RAP2A: variants seen among roughly 807,000 people sequenced by gnomAD.
The protein encoded by RAP2A is ras-related protein Rap-2a.
RAP2A carries 5 observed loss-of-function variants against 15.1 expected under a neutral mutation model. That is an observed-to-expected ratio of 0.33 (90% CI 0.17 to 0.70). The LOEUF is 0.70. Among genes scored for constraint, RAP2A ranks in the 30% least tolerant of loss-of-function variants. RAP2A has a pLI of 0.68. For missense variants in RAP2A, 111 were observed against 240.3 expected (o/e 0.46, Z 3.56); for synonymous variants, 110 against 99.7 (o/e 1.10, Z -0.62).
chr13:97,460,751 T>C (rs1337050203), intron 1 of RAP2A, among the ~76,000 whole-genome samples: 2 of 152,156 alleles, frequency 1.3e-5, no homozygotes, highest in Non-Finnish European at 2.9e-5. Flanking sequence ...CAGTATATTC[T>C]CTCGAGTGCC....
chr13:97,455,104 T>C (rs558237991), intron 1 of RAP2A, among the ~76,000 whole-genome samples: 16 of 151,602 alleles, frequency 1.1e-4, no homozygotes, highest in South Asian at 6.3e-4. Flanking sequence ...TGCTCATTTA[T>C]TTTTTCAATC....
intron 1 of RAP2A, among the ~76,000 whole-genome samples, chr13:97,443,209 TAGTA>T (rs1405845509): frequency 1.3e-5 from 2 of 152,188 alleles, no homozygotes; most frequent in South Asian, 4.1e-4. Flanking sequence ...TAAAATCACT[TAGTA>T]AAGTTACCCA....
chr13:97,434,410 A>C lies in RAP2A; in HGVS notation c.-61A>C, dbSNP rs1383244097. 1 of 1,213,830 alleles carries C rather than the reference A, an allele frequency of 8.2e-7. No homozygotes were observed. The highest frequency in any genetic ancestry group is 3.5e-5 in the East Asian group (1 of 28,672). The allele number at this position is 1,213,830 out of a possible 1,614,324, so 75.2% of individuals were successfully genotyped here. A position where few individuals can be genotyped will look rare whatever the true frequency, so the allele number is the denominator to read the frequency against. ...CCGCCGGGGCCGGGGCTGGGGGCGCAGCGCGGCCGGCGTAGGTCTATGTCG... is the reference window on the plus strand; with the variant it reads ...CCGCCGGGGCCGGGGCTGGGGGCGCCGCGCGGCCGGCGTAGGTCTATGTCG... On this transcript the variant is annotated 5_prime_UTR_variant, in exon 1 of 2. Coordinates refer to ENST00000245304, the MANE Select transcript of RAP2A (RefSeq NM_021033.7).
At chr13:97,448,243 A>G (rs2066687708) in intron 1 of RAP2A, among the ~76,000 whole-genome samples, 1 of 152,218 alleles carries the variant, frequency 6.6e-6, no homozygotes, top group Admixed American at 6.5e-5. Context: ...TGGAAGCCAG[A>G]GATAGGAGAT....
intron 1 of RAP2A, among the ~76,000 whole-genome samples, chr13:97,436,406 A>G (rs1046087907): frequency 2.0e-5 from 3 of 152,182 alleles, no homozygotes; most frequent in African/African-American, 7.2e-5. Flanking sequence ...CCACATGTCA[A>G]TGTTAGGCCA....
intron 1 of RAP2A, among the ~76,000 whole-genome samples, chr13:97,449,087 T>C (rs1189368298): frequency 5.3e-5 from 8 of 152,100 alleles, no homozygotes; most frequent in Non-Finnish European, 1.2e-4. Flanking sequence ...AGTGACCGCA[T>C]TCCACACAGG....
intron 1 of RAP2A, among the ~76,000 whole-genome samples, chr13:97,449,606 A>G (rs1030015205): frequency 6.6e-6 from 1 of 152,094 alleles, no homozygotes; most frequent in Non-Finnish European, 1.5e-5. Flanking sequence ...CTTTCATTTC[A>G]GTGTTGGCTT....
At chr13:97,449,219 A>G (rs1288737418) in intron 1 of RAP2A, among the ~76,000 whole-genome samples, 3 of 152,156 alleles carry the variant, frequency 2.0e-5, no homozygotes, top group African/African-American at 7.2e-5. Flanking sequence ...GATCTGCTAC[A>G]TATTTTTATG....
At chr13:97,459,006 T>C (rs1025279640) in intron 1 of RAP2A, among the ~76,000 whole-genome samples, 1 of 152,160 alleles carries the variant, frequency 6.6e-6, no homozygotes, top group African/African-American at 2.4e-5. Flanking sequence ...ATGGAAATTC[T>C]TGTCAATAAA....
chr13:97,441,459 CTG>C (rs2066657260), intron 1 of RAP2A, among the ~76,000 whole-genome samples: 1 of 152,066 alleles, frequency 6.6e-6, no homozygotes, highest in African/African-American at 2.4e-5. Context: ...GATTTAATTT[CTG>C]TGTGTGAAGT....
chr13:97,438,340 C>G (rs1296927774), intron 1 of RAP2A, among the ~76,000 whole-genome samples: 1 of 152,080 alleles, frequency 6.6e-6, no homozygotes, highest in Non-Finnish European at 1.5e-5. Context: ...TGCACCCATC[C>G]TTTTATTCTA....
chr13:97,434,352 G>A lies in RAP2A; in HGVS notation c.-119G>A. The A allele has an allele frequency of 4.8e-6, 4 of 834,482 alleles. No individual in the cohort carries two copies. Among genetic ancestry groups the A allele is most frequent in the Non-Finnish European group, 5.8e-6 (4 of 695,044 alleles). 51.7% of individuals were successfully genotyped at this position (834,482 alleles called of 1,614,324 possible). On this transcript the variant is annotated 5_prime_UTR_variant, in exon 1 of 2. Transcript: ENST00000245304. ...GCCCAGGGGGCCGCCGCGGCTGTGA[G>A]GTGGGGGCGGCAGCGGGAGGCGGCG...
In RAP2A at chr13:97,465,267, T is replaced by C. The variant is rs2066765811; in HGVS notation, c.*825T>C. The C allele has an allele frequency of 6.6e-6, 1 of 152,630 alleles. No homozygotes were observed. Among genetic ancestry groups the C allele is most frequent in the South Asian group, 2.1e-4 (1 of 4,836 alleles). 9.5% of individuals were successfully genotyped at this position (152,630 alleles called of 1,614,324 possible). On this transcript the variant is annotated 3_prime_UTR_variant, in exon 2 of 2. Coordinates refer to ENST00000245304, the MANE Select transcript of RAP2A (RefSeq NM_021033.7). ...GCAACTGTGATGGGAAGAGATTACC[T>C]AGCCTTACTAACAAGAAGCATTCTA...
At chr13:97,450,975 A>G (rs748388676) in intron 1 of RAP2A, among the ~76,000 whole-genome samples, 12 of 152,178 alleles carry the variant, frequency 7.9e-5, no homozygotes, top group Non-Finnish European at 1.2e-4. Flanking sequence ...TTCCAATAAC[A>G]TGTTGTACTT....
intron 1 of RAP2A, among the ~76,000 whole-genome samples, chr13:97,449,539 C>G (rs1017923193): frequency 1.3e-5 from 2 of 152,138 alleles, no homozygotes; most frequent in Non-Finnish European, 2.9e-5. Flanking sequence ...CACTCTGTTG[C>G]TTACCATCCA....
At chr13:97,452,127 A>C (rs1305488314) in intron 1 of RAP2A, among the ~76,000 whole-genome samples, 1 of 150,994 alleles carries the variant, frequency 6.6e-6, no homozygotes, top group African/African-American at 2.4e-5. Flanking sequence ...ATAAATTCTT[A>C]ATTTTATTGA....
Position 97,464,252 on chromosome 13 carries a change from A to G in RAP2A, c.362A>G (p.Glu121Gly). 1.9e-6 allele frequency: 3 copies of G among 1,614,232 alleles called. No individual in the cohort carries two copies. The highest frequency in any genetic ancestry group is 2.5e-6 in the Non-Finnish European group (3 of 1,180,034). Residue 121 changes from glutamate to glycine, a missense_variant, in exon 2 of 2, where the codon GAA becomes GGA. Around this residue, in one of 3 missense-constraint regions of RAP2A, gnomAD observed 74 missense variants for 132.3 expected, o/e 0.56. Transcript: ENST00000245304. Reference sequence around the variant, plus strand: ...TTGGTTGGGAACAAAGTGGACCTGGAAAGTGAGAGAGAAGTATCGTCCAGC... The same window carrying G: ...TTGGTTGGGAACAAAGTGGACCTGGGAAGTGAGAGAGAAGTATCGTCCAGC... ...VILVGNKVDLESEREVSSSEG... is the reference protein window; with the variant it reads ...VILVGNKVDLGSEREVSSSEG...
chr13:97,457,827 T>C lies in RAP2A; in HGVS notation c.315-6378T>C, dbSNP rs572618154. Among the ~76,000 whole-genome samples the C allele has an allele frequency of 1.0e-3, 153 of 152,284 alleles. 1 individual carries two copies. In the South Asian group the frequency reaches 0.031, roughly 31 times the overall value. ...ATGTTTTTTTGTTTCCTATTAAGTATTGCCAGGTATTTTTTTAAAATCATG... is the reference window on the plus strand; with the variant it reads ...ATGTTTTTTTGTTTCCTATTAAGTACTGCCAGGTATTTTTTTAAAATCATG... On this transcript the variant is annotated intron_variant, in intron 1 of 1. Transcript: ENST00000245304.
chr13:97,464,244 G>A lies in RAP2A; in HGVS notation c.354G>A (p.Val118=), dbSNP rs2066760173. Reference sequence around the variant, plus strand: ...CAGTCATCTTGGTTGGGAACAAAGTGGACCTGGAAAGTGAGAGAGAAGTAT... The same window carrying A: ...CAGTCATCTTGGTTGGGAACAAAGTAGACCTGGAAAGTGAGAGAGAAGTAT... The part of the protein sequence containing the change: ...KVPVILVGNK[V]DLESEREVSS... Residue 118 remains valine (V), a synonymous_variant, in exon 2 of 2, where the codon GTG becomes GTA. Transcript: ENST00000245304. 6.2e-7 allele frequency: 1 copy of A among 1,614,072 alleles called. No individual in the cohort carries two copies. The highest frequency in any genetic ancestry group is 1.7e-5 in the Admixed American group (1 of 60,008).
Sources: allele counts gnomAD v4.1 joint callset (sites outside exome capture counted in the v4.1 genomes callset), GRCh38; gene constraint gnomAD v4.1.1; regional missense constraint gnomAD v4.1.1; transcripts MANE v1.5; gene names NCBI Gene and HGNC (gene_info 2026-07-23, HGNC 2026-07-21).